USP6NL: variants seen among roughly 807,000 people sequenced by gnomAD.
USP6NL encodes the protein USP6 N-terminal like, also known as USP6 N-terminal-like protein.
A neutral mutation model predicts 61.9 loss-of-function variants in USP6NL; 26 were observed. The observed-to-expected ratio is 0.42, with a 90% CI of 0.31 to 0.58. The LOEUF (loss-of-function observed/expected upper bound fraction) is 0.58, where lower values mean the gene tolerates loss of function less well. Ranked by LOEUF, USP6NL falls within the 20% of genes least tolerant of loss-of-function variation. The probability of loss-of-function intolerance (pLI) is 0.16; values close to 1 mark genes in which losing one functional copy is unlikely to be tolerated. For synonymous variants in USP6NL, 432 were observed against 390.1 expected, an observed-to-expected ratio of 1.11 and a Z score of -1.27; for missense variants, 1,114 against 1,034.3, an observed-to-expected ratio of 1.08 and a Z score of -1.06.
Position 11,553,894 on chromosome 10 carries a change from A to G in USP6NL, c.5-26327T>C, listed in dbSNP as rs1836586929. ...CAACAGAGTAAGACTCCATCTCAAA[A>G]AAAAAAAAAAGCAAGATTAAAACAA... On this transcript the variant is annotated intron_variant, in intron 2 of 14. Transcript: ENST00000609104. This position sits in a 1 kb window ranked among gnomAD's most constrained non-coding sequence, Gnocchi z 4.8. 1.3e-5 allele frequency among the ~76,000 whole-genome samples: 2 copies of G among 151,704 alleles called. No individual in the cohort carries two copies. The highest frequency in any genetic ancestry group is 4.8e-5 in the African/African-American group (2 of 41,330).
Position 11,600,692 on chromosome 10 carries a change from G to C in USP6NL, c.-83-2975C>G, listed in dbSNP as rs896633793. On this transcript the variant is annotated intron_variant, in intron 1 of 14. Transcript: ENST00000609104. The surrounding 1 kb of genome is among the most constrained non-coding windows in gnomAD (Gnocchi z 4.1). ...AAGCATTAAAAATGTTTATCAGGCTGGGCACGGTGGCTCACGCCTGTAATC... is the reference window on the plus strand; with the variant it reads ...AAGCATTAAAAATGTTTATCAGGCTCGGCACGGTGGCTCACGCCTGTAATC... Among the ~76,000 whole-genome samples, 2 of 152,200 alleles carry C rather than the reference G, an allele frequency of 1.3e-5. No homozygotes were observed. The highest frequency in any genetic ancestry group is 4.8e-5 in the African/African-American group (2 of 41,454).
Position 11,515,134 on chromosome 10 carries a change from G to GACT in USP6NL, c.195+3398_195+3400dup, listed in dbSNP as rs538392681. Among the ~76,000 whole-genome samples, 281 of 152,292 alleles carry GACT rather than the reference G, an allele frequency of 1.8e-3. 1 individual carries two copies. Among genetic ancestry groups the GACT allele is most frequent in the Admixed American group, 5.2e-3 (80 of 15,296 alleles). On this transcript the variant is annotated intron_variant, in intron 5 of 14. Transcript: ENST00000609104. ...TACCTCTCAACCTCCAGTGATCTGA[G>GACT]ACTACGTTTTCAACCCTGTACAGGA...
At position 11,481,344 on chromosome 10, in the gene USP6NL, G is replaced by A. The variant is rs1015777623; in HGVS notation, c.1078+426C>T. ...TGTGGCTTCATATTTAAGCCACTTA[G>A]GCACTAAAGTATCAATTTCCTCATC... On this transcript the variant is annotated intron_variant, in intron 14 of 14. Transcript: ENST00000609104. The surrounding 1 kb of genome is among the most constrained non-coding windows in gnomAD (Gnocchi z 4.4). Among the ~76,000 whole-genome samples, 1 of 152,146 alleles carries A rather than the reference G, an allele frequency of 6.6e-6. No individual in the cohort carries two copies. The highest frequency in any genetic ancestry group is 1.5e-5 in the Non-Finnish European group (1 of 68,030).
In USP6NL at chr10:11,462,094, G is replaced by GT. The variant is rs1217109681; in HGVS notation, c.*346dup. 1.7e-4 allele frequency: 41 copies of GT among 234,646 alleles called. No individual in the cohort carries two copies. The highest frequency in any genetic ancestry group is 7.7e-4 in the African/African-American group (34 of 44,192). The allele number at this position is 234,646 out of a possible 1,614,324, so 14.5% of individuals were successfully genotyped here. On this transcript the variant is annotated 3_prime_UTR_variant, in exon 15 of 15. Coordinates refer to ENST00000609104, the MANE Select transcript of USP6NL (RefSeq NM_014688.5). ...TATTCTACAGTTTTTTCAGTACTTT[G>GT]TAACATTAGTCAAAATAGAATGAGC... is the stretch of plus-strand genomic sequence containing the variant.
intron 2 of USP6NL, among the ~76,000 whole-genome samples, chr10:11,556,851 T>C (rs1836725657): frequency 1.3e-5 from 2 of 152,190 alleles, no homozygotes; most frequent in Non-Finnish European, 2.9e-5. Context: ...GAGAGACACT[T>C]AGAACTCTAA....
chr10:11,590,941 T>C (rs1838141877), intron 2 of USP6NL, among the ~76,000 whole-genome samples: 1 of 152,190 alleles, frequency 6.6e-6, no homozygotes, highest in Non-Finnish European at 1.5e-5. Flanking sequence ...TTCCTTGTTT[T>C]ACCCAATAGA....
intron 14 of USP6NL, among the ~76,000 whole-genome samples, chr10:11,466,096 C>T (rs1251680598): frequency 6.6e-6 from 1 of 152,170 alleles, no homozygotes; most frequent in East Asian, 1.9e-4. Flanking sequence ...TTTCTGTATG[C>T]AATTTTCTAT....
rs145570861 is a variant in USP6NL at position 11,569,722 on chromosome 10, G to A, written c.4+27909C>T. ...CTGATGTAGCTGGCACAGAGGGTGC[G>A]TGGAGAGATTCAGTGATACAGCCAG... On this transcript the variant is annotated intron_variant, in intron 2 of 14. Coordinates refer to ENST00000609104, the MANE Select transcript of USP6NL (RefSeq NM_014688.5). 3.4e-4 allele frequency among the ~76,000 whole-genome samples: 52 copies of A among 152,348 alleles called. No homozygotes were observed. In the South Asian group the frequency reaches 0.01, roughly 30 times the overall value.
At chr10:11,475,777 T>C (rs917379385) in intron 14 of USP6NL, among the ~76,000 whole-genome samples, 1 of 152,020 alleles carries the variant, frequency 6.6e-6, no homozygotes, top group African/African-American at 2.4e-5. Context: ...CCACAGATTA[T>C]CTGCTAACTG....
chr10:11,599,007 A>G (rs1838420672), intron 1 of USP6NL, among the ~76,000 whole-genome samples: 1 of 152,246 alleles, frequency 6.6e-6, no homozygotes, highest in Non-Finnish European at 1.5e-5. Context: ...AGATAATGCA[A>G]TTATCCCAAA....
At chr10:11,493,369 C>A in intron 7 of USP6NL, 141 bp from the exon 8 acceptor site, 1 of 668,574 alleles carries the variant, frequency 1.5e-6, no homozygotes, top group Non-Finnish European at 2.5e-6. Context: ...ACTATATATA[C>A]AAAAAGGTAC....
In USP6NL at chr10:11,489,319, T is replaced by A; in HGVS notation, c.544-97A>T. On this transcript the variant is annotated intron_variant, in intron 9 of 14. Transcript: ENST00000609104. This position sits in a 1 kb window ranked among gnomAD's most constrained non-coding sequence, Gnocchi z 5.7. ...TACTCTATAAAAACCAGAAAATGCC[T>A]ACACACATCATTTAATGGTCCATTC... The A allele has an allele frequency of 6.8e-7, 1 of 1,472,514 alleles. No homozygotes were observed. Among genetic ancestry groups the A allele is most frequent in the Non-Finnish European group, 9.2e-7 (1 of 1,088,046 alleles). 91.2% of individuals were successfully genotyped at this position (1,472,514 alleles called of 1,614,324 possible). A position where few individuals can be genotyped will look rare whatever the true frequency, so the allele number is the denominator to read the frequency against.
At chr10:11,504,324 C>T (rs1378925442) in intron 6 of USP6NL, among the ~76,000 whole-genome samples, 1 of 151,946 alleles carries the variant, frequency 6.6e-6, no homozygotes, top group Non-Finnish European at 1.5e-5. Flanking sequence ...ATGAAATTTG[C>T]TTATTCCCCA....
chr10:11,570,429 C>G (rs552867734), intron 2 of USP6NL, among the ~76,000 whole-genome samples: 1 of 152,066 alleles, frequency 6.6e-6, no homozygotes, highest in African/African-American at 2.4e-5. Context: ...GGACAGATAC[C>G]AAAGCTCCTA....
rs1368618801 is a variant in USP6NL at position 11,561,030 on chromosome 10, T to C, written c.5-33463A>G. ...AGAATTAAAAAGCAGTTAATCTACATCTATTTCGAGCATACTCAAGCAGCC... is the reference window on the plus strand; with the variant it reads ...AGAATTAAAAAGCAGTTAATCTACACCTATTTCGAGCATACTCAAGCAGCC... On this transcript the variant is annotated intron_variant, in intron 2 of 14. Coordinates refer to ENST00000609104, the MANE Select transcript of USP6NL (RefSeq NM_014688.5). This position sits in a 1 kb window ranked among gnomAD's most constrained non-coding sequence, Gnocchi z 4.1. 6.6e-6 allele frequency among the ~76,000 whole-genome samples: 1 copy of C among 152,130 alleles called. No homozygotes were observed. Among genetic ancestry groups the C allele is most frequent in the African/African-American group, 2.4e-5 (1 of 41,446 alleles).
At chr10:11,557,404 A>G (rs1486552172) in intron 2 of USP6NL, among the ~76,000 whole-genome samples, 1 of 152,234 alleles carries the variant, frequency 6.6e-6, no homozygotes, top group Non-Finnish European at 1.5e-5. Context: ...TTTTTACGAT[A>G]AAACCACAAC....
chr10:11,476,199 A>G lies in USP6NL; in HGVS notation c.1078+5571T>C, dbSNP rs543156746. Among the ~76,000 whole-genome samples, 2 of 152,344 alleles carry G rather than the reference A, an allele frequency of 1.3e-5. No individual in the cohort carries two copies. Among genetic ancestry groups the G allele is most frequent in the East Asian group, 1.9e-4 (1 of 5,192 alleles). Reference sequence around the variant, plus strand: ...AGCTTAACAGGCAGCCTAAGGGACAACTGGAAATCTTCCCACATGGAGCTG... The same window carrying G: ...AGCTTAACAGGCAGCCTAAGGGACAGCTGGAAATCTTCCCACATGGAGCTG... On this transcript the variant is annotated intron_variant, in intron 14 of 14. Transcript: ENST00000609104. The surrounding 1 kb of genome is among the most constrained non-coding windows in gnomAD (Gnocchi z 4.3).
At chr10:11,477,698 TAGAC>T (rs1226152602) in intron 14 of USP6NL, among the ~76,000 whole-genome samples, 2 of 152,194 alleles carry the variant, frequency 1.3e-5, no homozygotes, top group South Asian at 2.1e-4. Context: ...AGTAAAATGT[TAGAC>T]AGTATAAATC....
intron 2 of USP6NL, among the ~76,000 whole-genome samples, chr10:11,550,559 C>T (rs750879874): frequency 6.6e-6 from 1 of 152,020 alleles, no homozygotes; most frequent in African/African-American, 2.4e-5. Context: ...AGTTCAAGAC[C>T]AGCCCAGCCA....
Sources: allele counts gnomAD v4.1 joint callset (sites outside exome capture counted in the v4.1 genomes callset), GRCh38; gene constraint gnomAD v4.1.1; non-coding constraint Gnocchi (gnomAD v3.1); transcripts MANE v1.5; gene names NCBI Gene and HGNC (gene_info 2026-07-23, HGNC 2026-07-21).